Variants in PPA2 observed in about 807,000 individuals in gnomAD.
The protein encoded by PPA2 is inorganic pyrophosphatase 2, also known as inorganic pyrophosphatase 2, mitochondrial.
In PPA2, 48 loss-of-function variants were observed where a neutral mutation model predicts 49.5. That is an observed-to-expected ratio of 0.97 (90% CI 0.77 to 1.23). PPA2 has a LOEUF of 1.23. Among genes scored for constraint, PPA2 ranks in the 50% most tolerant of loss-of-function variants. The probability of loss-of-function intolerance (pLI) is 0.00; values close to 1 mark genes in which losing one functional copy is unlikely to be tolerated. For synonymous variants in PPA2, 131 were observed against 139.9 expected, an observed-to-expected ratio of 0.94 and a Z score of 0.45; for missense variants, 429 against 410.1, an observed-to-expected ratio of 1.05 and a Z score of -0.40.
intron 7 of PPA2, chr4:105,405,391 C>T: frequency 1.3e-6 from 1 of 779,558 alleles, no homozygotes; most frequent in Non-Finnish European, 1.6e-6. Flanking sequence ...TATTTAACAA[C>T]AGACACGTTT....
chr4:105,473,576 C>T (rs907231990), intron 1 of PPA2: 1 of 564,704 alleles, frequency 1.8e-6, no homozygotes, highest in East Asian at 3.9e-5. Flanking sequence ...CAGGCCGCCG[C>T]GGGGTGGCCG....
chr4:105,409,044 A>T (rs1722618481), intron 7 of PPA2, among the ~76,000 whole-genome samples: 1 of 152,160 alleles, frequency 6.6e-6, no homozygotes, highest in Non-Finnish European at 1.5e-5. Flanking sequence ...TCTCATTGGG[A>T]CTGGTTGGAC....
chr4:105,400,235 AAATT>A (rs1240488888), intron 7 of PPA2, among the ~76,000 whole-genome samples: 4 of 152,164 alleles, frequency 2.6e-5, no homozygotes, highest in African/African-American at 9.7e-5. Context: ...TGTTTTGCAA[AAATT>A]AATTAATATT....
chr4:105,437,376 A>G (rs1438335124), intron 6 of PPA2, among the ~76,000 whole-genome samples: 1 of 152,176 alleles, frequency 6.6e-6, no homozygotes, highest in East Asian at 1.9e-4. Flanking sequence ...AAATAGAAGA[A>G]AGAACTGACC....
In PPA2 at chr4:105,473,898, G is replaced by T; in HGVS notation, c.153C>A (p.Phe51Leu). The change falls in exon 1 of 12, where the codon TTC becomes TTA. Residue 51 changes from phenylalanine (F) to leucine (L), a missense_variant. Coordinates refer to ENST00000341695, the MANE Select transcript of PPA2 (RefSeq NM_176869.3). ...GQPCSQNYRL[F>L]FKNVTGHYIS... ...GAACCTCCGGGAGCTACTTACTAAAGAAGAGGCGGTAATTCTGCGAGCAGG... is the reference window on the plus strand; with the variant it reads ...GAACCTCCGGGAGCTACTTACTAAATAAGAGGCGGTAATTCTGCGAGCAGG... The T allele has an allele frequency of 6.3e-7, 1 of 1,598,742 alleles. No individual in the cohort carries two copies. Among genetic ancestry groups the T allele is most frequent in the Non-Finnish European group, 8.5e-7 (1 of 1,171,546 alleles).
At chr4:105,381,882 A>C (rs1418724720) in intron 10 of PPA2, among the ~76,000 whole-genome samples, 1 of 151,866 alleles carries the variant, frequency 6.6e-6, no homozygotes, top group African/African-American at 2.4e-5. Context: ...ACTCTTTATA[A>C]TTTTCTTCTA....
At chr4:105,455,603 G>A (rs1722845672) in intron 2 of PPA2, among the ~76,000 whole-genome samples, 1 of 152,200 alleles carries the variant, frequency 6.6e-6, no homozygotes, top group Non-Finnish European at 1.5e-5. Context: ...AGGGAACACA[G>A]TGCTGGCTAA....
In PPA2 at chr4:105,437,978, G is replaced by A. The variant is rs546693824; in HGVS notation, c.500C>T (p.Pro167Leu). 4.4e-6 allele frequency: 7 copies of A among 1,608,738 alleles called. No individual in the cohort carries two copies. In the South Asian group the frequency reaches 5.6e-5, roughly 13 times the overall value. Residue 167 changes from proline (P) to leucine (L), a missense_variant, in exon 6 of 12, where the codon CCT becomes CTT. Coordinates refer to ENST00000341695, the MANE Select transcript of PPA2 (RefSeq NM_176869.3). Reference sequence around the variant, plus strand: ...TGAGCCTATTTCGCAAACATCAATAGGATCATTATCTCCAAAGCAGTTCGT... The same window carrying A: ...TGAGCCTATTTCGCAAACATCAATAAGATCATTATCTCCAAAGCAGTTCGT... ...KSTNCFGDND[P>L]IDVCEIGSKI...
chr4:105,448,591 G>T (rs1722513996), intron 4 of PPA2, among the ~76,000 whole-genome samples: 1 of 146,462 alleles, frequency 6.8e-6, no homozygotes, highest in Non-Finnish European at 1.5e-5. Flanking sequence ...AAAAAAAAAA[G>T]CTAACCAGAA....
intron 5 of PPA2, 113 bp downstream of exon 5, chr4:105,446,270 A>G: frequency 1.7e-6 from 2 of 1,163,608 alleles, no homozygotes; most frequent in Non-Finnish European, 2.3e-6. Flanking sequence ...AAATTTACAA[A>G]CCTCTCCAAA....
intron 6 of PPA2, among the ~76,000 whole-genome samples, chr4:105,425,723 T>TACACACACACACAC (rs59144523): frequency 1.6e-5 from 2 of 122,450 alleles, no homozygotes; most frequent in Non-Finnish European, 3.6e-5. Context: ...CACATGCACA[T>TACACACACACACAC]ACACACACAC....
At chr4:105,391,876 TAA>T (rs202155208) in intron 9 of PPA2, among the ~76,000 whole-genome samples, 3 of 151,754 alleles carry the variant, frequency 2.0e-5, no homozygotes, top group East Asian at 1.9e-4. Context: ...TGATTGTTAA[TAA>T]AAAAAGAGTA....
At chr4:105,379,619 A>G (rs894656819) in intron 10 of PPA2, among the ~76,000 whole-genome samples, 15 of 139,990 alleles carry the variant, frequency 1.1e-4, no homozygotes, top group African/African-American at 3.4e-4. Flanking sequence ...ACCCGCCACC[A>G]CGCCTGGCTA....
At chr4:105,462,733 G>A (rs1382469953) in intron 1 of PPA2, among the ~76,000 whole-genome samples, 1 of 152,234 alleles carries the variant, frequency 6.6e-6, no homozygotes, top group Non-Finnish European at 1.5e-5. Flanking sequence ...GTGGGACTCA[G>A]TGGGAGGTAA....
intron 7 of PPA2, among the ~76,000 whole-genome samples, chr4:105,420,833 A>C: frequency 6.6e-6 from 1 of 152,226 alleles, no homozygotes; most frequent in East Asian, 1.9e-4. Flanking sequence ...GGAGGTTCAG[A>C]GAACAGTCTG....
chr4:105,372,714 C>T (rs932353159), intron 10 of PPA2, among the ~76,000 whole-genome samples: 2 of 152,180 alleles, frequency 1.3e-5, no homozygotes, highest in African/African-American at 4.8e-5. Context: ...GCATCATCTG[C>T]TTTCCTGAGT....
At chr4:105,427,416 C>A (rs372229640) in intron 6 of PPA2, among the ~76,000 whole-genome samples, 2 of 152,064 alleles carry the variant, frequency 1.3e-5, no homozygotes, top group South Asian at 2.1e-4. Flanking sequence ...TAGAGGAGCA[C>A]GTTCTAACCC....
intron 6 of PPA2, among the ~76,000 whole-genome samples, chr4:105,435,655 T>C (rs6822621): frequency 0.035 from 5,314 of 152,188 alleles, 282 homozygotes; most frequent in African/African-American, 0.11. Context: ...GTTGAACATA[T>C]GCAAATCAAT....
chr4:105,431,899 T>TA (rs547231922), intron 6 of PPA2, among the ~76,000 whole-genome samples: 1 of 152,156 alleles, frequency 6.6e-6, no homozygotes, highest in Non-Finnish European at 1.5e-5. Flanking sequence ...ATAGAGACAG[T>TA]AAATTAGTGG....
Sources: gnomAD v4.1 joint callset for allele counts (sites outside exome capture counted in the v4.1 genomes callset) on GRCh38, gnomAD v4.1.1 for gene constraint, MANE v1.5 for transcripts, NCBI Gene and HGNC (gene_info 2026-07-23, HGNC 2026-07-21) for gene names.